CLNK: variants seen among roughly 807,000 people sequenced by gnomAD.
CLNK encodes the protein cytokine-dependent hematopoietic cell linker.
In CLNK, 74 loss-of-function variants were observed where a neutral mutation model predicts 68.6. The ratio of observed to expected loss-of-function variants is 1.08; its 90% CI spans 0.89 to 1.31. CLNK has a LOEUF of 1.31. Among genes scored for constraint, CLNK ranks in the 50% most tolerant of loss-of-function variants. The pLI is 0.00. For missense variants in CLNK, 553 were observed against 515.3 expected (o/e 1.07, Z -0.71); for synonymous variants, 198 against 172.2 (o/e 1.15, Z -1.17).
intron 2 of CLNK, among the ~76,000 whole-genome samples, chr4:10,633,118 A>G (rs1413872548): frequency 2.0e-5 from 3 of 152,078 alleles, no homozygotes; most frequent in African/African-American, 7.2e-5. Flanking sequence ...TTGTATTTTT[A>G]GTAGAGATGG....
chr4:10,722,302 A>T, the CLNK span, among the ~76,000 whole-genome samples: 1 of 152,170 alleles, frequency 6.6e-6, no homozygotes, highest in Non-Finnish European at 1.5e-5. Flanking sequence ...CCCCAGTATA[A>T]AATCCAAGCT....
At position 10,501,362 on chromosome 4, in the gene CLNK, G is replaced by A; in HGVS notation, c.1034C>T (p.Pro345Leu). 6.2e-7 allele frequency: 1 copy of A among 1,610,102 alleles called. No individual in the cohort carries two copies. The highest frequency in any genetic ancestry group is 8.5e-7 in the Non-Finnish European group (1 of 1,178,818). ...RDCSTKSKEE[P>L]YVLAVFYENK... ...CTCATAAAACACAGCCAAAACATAG[G>A]GCTCTTCCTTGGATTTTGTGGAACA... Residue 345 changes from proline to leucine, a missense_variant, in exon 18 of 19, where the codon CCC (proline) becomes CTC (leucine). Physicochemically the swap from Pro to Leu is moderately conservative, Grantham distance 98 (BLOSUM62 -3). Coordinates refer to ENST00000226951, the MANE Select transcript of CLNK (RefSeq NM_052964.4).
rs563040047 is a variant in CLNK at position 10,566,240 on chromosome 4, C to A, written c.151-90G>T. On this transcript the variant is annotated intron_variant, in intron 5 of 18. Transcript: ENST00000226951. ...GTGCTGGCTAGAGAAATGGGGTAGACCTTCTTAGCTGCAAGTTAAATATTT... is the reference window on the plus strand; with the variant it reads ...GTGCTGGCTAGAGAAATGGGGTAGAACTTCTTAGCTGCAAGTTAAATATTT... The A allele has an allele frequency of 1.9e-5, 24 of 1,230,948 alleles. No individual in the cohort carries two copies. In the African/African-American group the frequency reaches 3.3e-4, roughly 17 times the overall value. 76.3% of individuals were successfully genotyped at this position (1,230,948 alleles called of 1,614,324 possible). A position where few individuals can be genotyped will look rare whatever the true frequency, so the allele number is the denominator to read the frequency against.
the CLNK span, among the ~76,000 whole-genome samples, chr4:10,699,466 G>GTCTCTCTCTCTCTCTCTCTC: frequency 1.7e-5 from 1 of 60,552 alleles, no homozygotes; most frequent in African/African-American, 7.5e-5. Flanking sequence ...CATCCTCTCT[G>GTCTCTCTCTCTCTCTCTCTC]TCTCTCTCTC....
At chr4:10,606,364 T>A (rs576546773) in intron 2 of CLNK, among the ~76,000 whole-genome samples, 14 of 152,162 alleles carry the variant, frequency 9.2e-5, no homozygotes, top group African/African-American at 3.4e-4. Context: ...TGTCATTTCC[T>A]GTGATATCAA....
At chr4:10,608,421 C>A (rs1721869061) in intron 2 of CLNK, among the ~76,000 whole-genome samples, 1 of 152,204 alleles carries the variant, frequency 6.6e-6, no homozygotes, top group Admixed American at 6.5e-5. Context: ...AGATGCCATC[C>A]TTTCCAATAA....
At chr4:10,536,450 A>C (rs1042960254) in intron 11 of CLNK, among the ~76,000 whole-genome samples, 2 of 152,248 alleles carry the variant, frequency 1.3e-5, no homozygotes, top group African/African-American at 4.8e-5. Flanking sequence ...TCTCTCTTTC[A>C]GAGGCAAAGC....
chr4:10,686,065 G>A (rs914392653), upstream of CLNK, among the ~76,000 whole-genome samples: 1 of 152,172 alleles, frequency 6.6e-6, no homozygotes, highest in African/African-American at 2.4e-5. Flanking sequence ...CTGGCCTCTG[G>A]AAGTCTGAGA....
At chr4:10,671,070 A>G (rs939218708) in intron 1 of CLNK, among the ~76,000 whole-genome samples, 3 of 152,232 alleles carry the variant, frequency 2.0e-5, no homozygotes, top group Non-Finnish European at 4.4e-5. Flanking sequence ...GAGAGATCCC[A>G]AACTCTTCTG....
upstream of CLNK, among the ~76,000 whole-genome samples, chr4:10,687,718 C>T (rs1023853115): frequency 2.7e-4 from 41 of 152,054 alleles, no homozygotes; most frequent in Non-Finnish European, 4.4e-5. Context: ...AAAAGAGGCT[C>T]AATCTCAGGC....
At chr4:10,619,377 A>C (rs181581348) in intron 2 of CLNK, among the ~76,000 whole-genome samples, 1 of 152,318 alleles carries the variant, frequency 6.6e-6, no homozygotes, top group East Asian at 1.9e-4. Context: ...CAAACCATGA[A>C]TATACATCAA....
At chr4:10,732,171 T>C in the CLNK span, among the ~76,000 whole-genome samples, 1 of 152,214 alleles carries the variant, frequency 6.6e-6, no homozygotes, top group African/African-American at 2.4e-5. Context: ...TTTTAATATA[T>C]TTATGAGTTT....
chr4:10,622,939 C>T (rs1334414622), intron 2 of CLNK, among the ~76,000 whole-genome samples: 1 of 152,090 alleles, frequency 6.6e-6, no homozygotes, highest in Non-Finnish European at 1.5e-5. Flanking sequence ...TACAAGGACA[C>T]TAATTTTCTT....
intron 2 of CLNK, among the ~76,000 whole-genome samples, chr4:10,654,665 T>A (rs555736036): frequency 1.3e-5 from 2 of 151,896 alleles, no homozygotes; most frequent in African/African-American, 4.8e-5. Flanking sequence ...CATAAAAGAA[T>A]AAACAGATTA....
chr4:10,665,490 C>G (rs972125973), intron 2 of CLNK, among the ~76,000 whole-genome samples: 2 of 151,856 alleles, frequency 1.3e-5, no homozygotes, highest in Non-Finnish European at 2.9e-5. Flanking sequence ...ATGGTGAAAC[C>G]CTGTCTCTAC....
At position 10,489,640 on chromosome 4, in the gene CLNK, A is replaced by G. The variant is rs1232222498; in HGVS notation, c.*827T>C. 1 of 150,066 alleles carries G rather than the reference A, an allele frequency of 6.7e-6. No individual in the cohort carries two copies. Among genetic ancestry groups the G allele is most frequent in the Non-Finnish European group, 1.5e-5 (1 of 67,468 alleles). 9.3% of individuals were successfully genotyped at this position (150,066 alleles called of 1,614,324 possible). On this transcript the variant is annotated 3_prime_UTR_variant, in exon 19 of 19. Transcript: ENST00000226951. ...ACTTGAATTTCTAGGATTACAATAAAAGAGAGCTAATATTCACCAACCCAA... is the reference window on the plus strand; with the variant it reads ...ACTTGAATTTCTAGGATTACAATAAGAGAGAGCTAATATTCACCAACCCAA...
intron 4 of CLNK, among the ~76,000 whole-genome samples, chr4:10,573,427 A>G (rs2108829313): frequency 6.6e-6 from 1 of 152,274 alleles, no homozygotes; most frequent in Non-Finnish European, 1.5e-5. Context: ...TAGCAGCTCT[A>G]GGGCACTGAT....
chr4:10,567,765 T>C (rs1298953088), intron 5 of CLNK, among the ~76,000 whole-genome samples: 1 of 152,200 alleles, frequency 6.6e-6, no homozygotes, highest in African/African-American at 2.4e-5. Flanking sequence ...GGGAAAAGGA[T>C]ATGAATGGAT....
chr4:10,568,873 A>C (rs1720228698), intron 5 of CLNK, among the ~76,000 whole-genome samples: 4 of 152,222 alleles, frequency 2.6e-5, no homozygotes, highest in Non-Finnish European at 5.9e-5. Flanking sequence ...ATAAATGGTC[A>C]AGCTGCCAAA....
Sources: allele counts gnomAD v4.1 joint callset (sites outside exome capture counted in the v4.1 genomes callset), GRCh38; gene constraint gnomAD v4.1.1; transcripts MANE v1.5; gene names NCBI Gene and HGNC (gene_info 2026-07-23, HGNC 2026-07-21).